The following AUTS2 variants were observed in gnomAD, a reference collection of about 807,000 sequenced individuals.
The protein encoded by AUTS2 is autism susceptibility gene 2 protein.
Under a neutral mutation model 112.4 loss-of-function variants are expected in AUTS2, and 17 were observed. The observed-to-expected ratio is 0.15, with a 90% CI of 0.10 to 0.23. The LOEUF (loss-of-function observed/expected upper bound fraction) is 0.23, where lower values mean the gene tolerates loss of function less well. AUTS2 is among the 10% of genes least tolerant of loss of function. AUTS2 has a pLI of 1.00. For missense variants in AUTS2, 1,510 were observed against 1,701.6 expected, an observed-to-expected ratio of 0.89 and a Z score of 1.98; for synonymous variants, 751 against 702.7, an observed-to-expected ratio of 1.07 and a Z score of -1.09.
chr7:70,024,958 C>T (rs1456054256), intron 2 of AUTS2, among the ~76,000 whole-genome samples: 1 of 152,194 alleles, frequency 6.6e-6, no homozygotes. Context: ...TAACTGGCTG[C>T]CTGCTATTGC....
intron 5 of AUTS2, among the ~76,000 whole-genome samples, chr7:70,485,866 T>C (rs947347369): frequency 6.6e-6 from 1 of 152,078 alleles, no homozygotes. Flanking sequence ...TGTGGCCAGC[T>C]CTTCCTCCAG....
At chr7:70,099,658 C>T (rs562796105) in intron 2 of AUTS2, among the ~76,000 whole-genome samples, 5 of 152,120 alleles carry the variant, frequency 3.3e-5, no homozygotes, top group Non-Finnish European at 7.4e-5. Flanking sequence ...CAGAAAAAGA[C>T]ACGTTATGCC....
intron 6 of AUTS2, among the ~76,000 whole-genome samples, chr7:70,754,172 A>G (rs978718113): frequency 2.7e-4 from 41 of 149,420 alleles, no homozygotes; most frequent in African/African-American, 9.4e-4. Flanking sequence ...AAATAGAATA[A>G]AATAAAATAA....
At chr7:70,043,978 T>A (rs1262871282) in intron 2 of AUTS2, among the ~76,000 whole-genome samples, 2 of 151,878 alleles carry the variant, frequency 1.3e-5, no homozygotes, top group South Asian at 2.1e-4. Context: ...GGAGTAGGGG[T>A]GGAGAGCCCT....
intron 1 of AUTS2, among the ~76,000 whole-genome samples, chr7:69,786,437 A>G (rs759225527): frequency 4.6e-5 from 7 of 152,238 alleles, no homozygotes; most frequent in Non-Finnish European, 8.8e-5. Context: ...TGTAAAATGG[A>G]CCAATCAGTA....
intron 1 of AUTS2, among the ~76,000 whole-genome samples, chr7:69,667,482 C>T (rs574533351): frequency 4.6e-5 from 7 of 151,204 alleles, no homozygotes; most frequent in South Asian, 4.2e-4. Context: ...CAGCCTCCTG[C>T]GTAGTTGGGA....
intron 5 of AUTS2, among the ~76,000 whole-genome samples, chr7:70,604,156 G>T (rs17141812): frequency 6.6e-6 from 1 of 152,108 alleles, no homozygotes; most frequent in African/African-American, 2.4e-5. Flanking sequence ...CTTTTTGATG[G>T]TCATTTCAGG....
chr7:70,747,858 G>A (rs982235557), intron 6 of AUTS2, among the ~76,000 whole-genome samples: 2 of 151,166 alleles, frequency 1.3e-5, no homozygotes, highest in African/African-American at 2.4e-5. Flanking sequence ...GTCTCGCTCT[G>A]TCGCCCAGGC....
chr7:69,755,114 G>A (rs961438652), intron 1 of AUTS2, among the ~76,000 whole-genome samples: 8 of 152,198 alleles, frequency 5.3e-5, no homozygotes, highest in African/African-American at 1.9e-4. Context: ...CCCATCAAGT[G>A]GTTTGGGGCG....
chr7:70,133,702 T>C (rs1806394544), intron 3 of AUTS2, among the ~76,000 whole-genome samples: 1 of 152,126 alleles, frequency 6.6e-6, no homozygotes, highest in Non-Finnish European at 1.5e-5. Flanking sequence ...AAGAGGATGC[T>C]AAAAATTAAA....
chr7:70,441,659 T>A (rs1426474298), intron 5 of AUTS2, among the ~76,000 whole-genome samples: 1 of 152,220 alleles, frequency 6.6e-6, no homozygotes. Flanking sequence ...AGCACTGATA[T>A]TACAGGCATG....
chr7:70,113,555 T>G (rs1805199149), intron 2 of AUTS2, among the ~76,000 whole-genome samples: 1 of 152,112 alleles, frequency 6.6e-6, no homozygotes, highest in African/African-American at 2.4e-5. Context: ...TTGCATAGAG[T>G]TCATTTACAT....
chr7:69,621,091 A>C lies in AUTS2; in HGVS notation c.309+21129A>C, dbSNP rs559939625. 2.3e-4 allele frequency among the ~76,000 whole-genome samples: 35 copies of C among 152,320 alleles called. No individual in the cohort carries two copies. In the East Asian group the frequency reaches 6.2e-3, roughly 27 times the overall value. ...AAAAATGATAATAATAATGAGAACA[A>C]GCATTTATTGAGTATTGGGTATTCT... On this transcript the variant is annotated intron_variant, in intron 1 of 18. Transcript: ENST00000342771.
intron 5 of AUTS2, among the ~76,000 whole-genome samples, chr7:70,441,022 C>G (rs1322934071): frequency 6.6e-6 from 1 of 152,184 alleles, no homozygotes; most frequent in African/African-American, 2.4e-5. Context: ...GAAATTTTGA[C>G]TGCTTAGGAG....
intron 2 of AUTS2, among the ~76,000 whole-genome samples, chr7:69,915,560 C>T (rs944179576): frequency 2.0e-5 from 3 of 152,098 alleles, no homozygotes; most frequent in East Asian, 1.9e-4. Context: ...CACTTTGAAA[C>T]GACTTACTCT....
chr7:70,668,665 A>G (rs1180798303), intron 5 of AUTS2, among the ~76,000 whole-genome samples: 1 of 152,180 alleles, frequency 6.6e-6, no homozygotes, highest in Non-Finnish European at 1.5e-5. Flanking sequence ...CAAATTCCCC[A>G]GCTGGGGCAC....
chr7:70,377,538 C>T (rs1014513496), intron 4 of AUTS2, among the ~76,000 whole-genome samples: 2 of 150,502 alleles, frequency 1.3e-5, no homozygotes, highest in African/African-American at 4.9e-5. Context: ...GCATTAAATA[C>T]ATTCGCATTG....
In AUTS2 at chr7:70,528,093, A is replaced by ATT. The variant is rs10651355; in HGVS notation, c.690+92337_690+92338dup. ...ACTTGAAGTTCACTTAAATTTAAGG[A>ATT]TTTTTTTTTTTTTTTTTTTTTTTTT... On this transcript the variant is annotated intron_variant, in intron 5 of 18. Coordinates refer to ENST00000342771, the MANE Select transcript of AUTS2 (RefSeq NM_015570.4). 4.9e-3 allele frequency among the ~76,000 whole-genome samples: 480 copies of ATT among 97,228 alleles called. 10 individuals are homozygous for ATT. The highest frequency in any genetic ancestry group is 0.016 in the African/African-American group (359 of 22,096). The allele number at this position is 97,228 out of a possible 152,430, so 63.8% of individuals were successfully genotyped here. A position where few individuals can be genotyped will look rare whatever the true frequency, so the allele number is the denominator to read the frequency against.
chr7:69,745,606 T>A (rs1045089711), intron 1 of AUTS2, among the ~76,000 whole-genome samples: 2 of 152,210 alleles, frequency 1.3e-5, no homozygotes, highest in African/African-American at 4.8e-5. Flanking sequence ...CATTCTTGCA[T>A]GCAAATTTAA....
Sources: gnomAD v4.1 joint callset for allele counts (sites outside exome capture counted in the v4.1 genomes callset) on GRCh38, gnomAD v4.1.1 for gene constraint, MANE v1.5 for transcripts, NCBI Gene and HGNC (gene_info 2026-07-23, HGNC 2026-07-21) for gene names.